Variants in SGCA observed in about 807,000 individuals in gnomAD.
SGCA encodes alpha-sarcoglycan.
A neutral mutation model predicts 38.1 loss-of-function variants in SGCA; 34 were observed. The ratio of observed to expected loss-of-function variants is 0.89; its 90% CI spans 0.68 to 1.19. SGCA has a LOEUF of 1.19. SGCA is among the 50% of genes most tolerant of loss of function. The pLI, the probability that SGCA is intolerant of heterozygous loss-of-function variation, is 0.00. For missense variants in SGCA, 476 were observed against 524.9 expected (o/e 0.91, Z 0.91); for synonymous variants, 209 against 214.6 (o/e 0.97, Z 0.23).
chr17:50,172,028 C>G (rs984067321), intron 8 of SGCA: 2 of 456,164 alleles, frequency 4.4e-6, no homozygotes, highest in Admixed American at 2.3e-5. Flanking sequence ...TTCTGCTTCT[C>G]TCCCTGGGGT....
At position 50,167,312 on chromosome 17, in the gene SGCA, C is replaced by G; in HGVS notation, c.38-56C>G. 1 of 1,611,914 alleles carries G rather than the reference C, an allele frequency of 6.2e-7. No homozygotes were observed. Among genetic ancestry groups the G allele is most frequent in the Non-Finnish European group, 8.5e-7 (1 of 1,179,006 alleles). On this transcript the variant is annotated intron_variant, in intron 1 of 9. Coordinates refer to ENST00000262018, the MANE Select transcript of SGCA (RefSeq NM_000023.4). The surrounding 1 kb of genome is among the most constrained non-coding windows in gnomAD (Gnocchi z 4.5). ...GGACTTGGTGGGGAAGGGAGCTTAT[C>G]CCCTGCCCAGGACTGAGGCTGGCCT...
At position 50,169,124 on chromosome 17, in the gene SGCA, T is replaced by C. The variant is rs1489567405; in HGVS notation, c.617T>C (p.Phe206Ser). 6.2e-7 allele frequency: 1 copy of C among 1,613,996 alleles called. No homozygotes were observed. Among genetic ancestry groups the C allele is most frequent in the Admixed American group, 1.7e-5 (1 of 60,022 alleles). The change falls in exon 6 of 10, where the codon TTT becomes TCT. Residue 206 changes from phenylalanine (F) to serine (S), a missense_variant. Phe to Ser is a radical substitution (Grantham distance 155, BLOSUM62 -2). Coordinates refer to ENST00000262018, the MANE Select transcript of SGCA (RefSeq NM_000023.4). ...ATTAAGGTGGGTTCTGCCTCACCTT[T>C]TTCTACTTGCCTGAAGATGGTGGCA... ...VYIKVGSASP[F>S]STCLKMVASP...
chr17:50,168,320 G>T (rs1598266756), intron 4 of SGCA, 54 bp from the exon 5 acceptor site: 1 of 1,482,594 alleles, frequency 6.7e-7, no homozygotes, highest in Non-Finnish European at 9.2e-7. Context: ...AGGAGGCTTT[G>T]CGGGGCAGAG....
intron 6 of SGCA, 179 bp downstream of exon 6, chr17:50,169,433 A>ACACACACACACC (rs1905195192): frequency 1.7e-6 from 1 of 589,712 alleles, no homozygotes; most frequent in Non-Finnish European, 3.0e-6. Flanking sequence ...ACACACACAC[A>ACACACACACACC]CACACACACA....
In SGCA at chr17:50,169,299, C is replaced by T. The variant is rs750594985; in HGVS notation, c.747+45C>T. ...CCGGGGGTGGGGTGGGGCATGGCCC[C>T]CATCCCAGTCCCCCTTCCCTCCCAT... On this transcript the variant is annotated intron_variant, in intron 6 of 9. Transcript: ENST00000262018. 133 of 1,525,810 alleles carry T rather than the reference C, an allele frequency of 8.7e-5. 1 individual carries two copies. The South Asian group carries it at 1.4e-3, about 16-fold the overall frequency. The allele number at this position is 1,525,810 out of a possible 1,614,324, so 94.5% of individuals were successfully genotyped here.
chr17:50,169,176 C>A lies in SGCA; in HGVS notation c.669C>A (p.Ala223=), dbSNP rs902624706. 1 of 1,614,032 alleles carries A rather than the reference C, an allele frequency of 6.2e-7. No homozygotes were observed. The highest frequency in any genetic ancestry group is 8.5e-7 in the Non-Finnish European group (1 of 1,179,990). The part of the protein sequence containing the change: ...VASPDSHARC[A]QGQPPLLSCY... ...CCCCCGATAGCCACGCCCGCTGTGC[C>A]CAGGGCCAGCCTCCACTTCTGTCTT... Residue 223 remains alanine (A), a synonymous_variant, in exon 6 of 10, where the codon GCC becomes GCA. Coordinates refer to ENST00000262018, the MANE Select transcript of SGCA (RefSeq NM_000023.4).
chr17:50,167,899 C>T lies in SGCA; in HGVS notation c.313-48C>T, dbSNP rs1462135789. The T allele has an allele frequency of 6.3e-7, 1 of 1,587,608 alleles. No homozygotes were observed. Among genetic ancestry groups the T allele is most frequent in the Admixed American group, 1.7e-5 (1 of 60,008 alleles). ...CTCTCCTGCCAGGCCCCCGCTGTGC[C>T]ACGTTTCTCCCCTAACCCACTTCTC... On this transcript the variant is annotated intron_variant, in intron 3 of 9. Coordinates refer to ENST00000262018, the MANE Select transcript of SGCA (RefSeq NM_000023.4). This position sits in a 1 kb window ranked among gnomAD's most constrained non-coding sequence, Gnocchi z 4.5.
At chr17:50,170,803 T>A in intron 8 of SGCA, 137 bp downstream of exon 8, 1 of 774,110 alleles carries the variant, frequency 1.3e-6, no homozygotes, top group South Asian at 1.5e-5. Flanking sequence ...TTGACCTCTG[T>A]AATCCCAGCA....
intron 1 of SGCA, among the ~76,000 whole-genome samples, chr17:50,166,739 T>TCA (rs1737491064): frequency 1.8e-5 from 1 of 55,828 alleles, no homozygotes; most frequent in Non-Finnish European, 3.3e-5. Flanking sequence ...ACACACACCC[T>TCA]CACACACCCT....
In SGCA at chr17:50,167,366, A is replaced by C; in HGVS notation, c.38-2A>C. On this transcript the variant is annotated splice_acceptor_variant, in intron 1 of 9. Transcript: ENST00000262018. LOFTEE classifies it high-confidence loss of function. This position sits in a 1 kb window ranked among gnomAD's most constrained non-coding sequence, Gnocchi z 4.5. ...TGTTTGGGACTTGTGGGGTCCCCAC[A>C]GTTCTCCTGGCAGGGCTGGGGGACA... The C allele has an allele frequency of 6.2e-7, 1 of 1,614,058 alleles. No homozygotes were observed. The highest frequency in any genetic ancestry group is 8.5e-7 in the Non-Finnish European group (1 of 1,179,976).
Position 50,168,397 on chromosome 17 carries a change from G to C in SGCA, c.409G>C (p.Glu137Gln), listed in dbSNP as rs372210292. Residue 137 changes from glutamate to glutamine, a missense_variant, in exon 5 of 10, where the codon GAG becomes CAG. Coordinates refer to ENST00000262018, the MANE Select transcript of SGCA (RefSeq NM_000023.4). ...AGGCCCCCTGCTGCCATACCAAGCC[G>C]AGTTCCTGGTGCGCAGCCACGATGC... ...PEGPLLPYQAEFLVRSHDAEE... is the reference protein window; with the variant it reads ...PEGPLLPYQAQFLVRSHDAEE... 5.7e-6 allele frequency: 9 copies of C among 1,586,682 alleles called. No homozygotes were observed. In the East Asian group the frequency reaches 9.1e-5, roughly 16 times the overall value.
intron 6 of SGCA, 35 bp from the exon 7 acceptor site, chr17:50,170,108 C>T: frequency 6.3e-7 from 1 of 1,591,812 alleles, no homozygotes. Flanking sequence ...GTCCAGCCAG[C>T]CACTTCCTGC....
Position 50,167,349 on chromosome 17 carries a change from A to G in SGCA, c.38-19A>G. The G allele has an allele frequency of 3.1e-6, 5 of 1,613,866 alleles. No homozygotes were observed. The highest frequency in any genetic ancestry group is 4.2e-6 in the Non-Finnish European group (5 of 1,179,944). On this transcript the variant is annotated intron_variant, in intron 1 of 9. Coordinates refer to ENST00000262018, the MANE Select transcript of SGCA (RefSeq NM_000023.4). This position sits in a 1 kb window ranked among gnomAD's most constrained non-coding sequence, Gnocchi z 4.5. ...ACTGAGGCTGGCCTGTGTGTTTGGG[A>G]CTTGTGGGGTCCCCACAGTTCTCCT...
rs766855169 is a variant in SGCA, at chr17:50,175,336, C to T, written c.1063C>T (p.Arg355Trp). ...GATGGCGGCCAGCCGCGAGGTGCCCCGGCCACTCTCCACCCTGCCCATGTT... is the reference window on the plus strand; with the variant it reads ...GATGGCGGCCAGCCGCGAGGTGCCCTGGCCACTCTCCACCCTGCCCATGTT... ...RQMAASREVP[R>W]PLSTLPMFNV... The change falls in exon 9 of 10, where the codon CGG becomes TGG. Residue 355 changes from arginine to tryptophan, a missense_variant. Arg to Trp is a moderately radical substitution (Grantham distance 101). Coordinates refer to ENST00000262018, the MANE Select transcript of SGCA (RefSeq NM_000023.4). 1.0e-4 allele frequency: 167 copies of T among 1,611,046 alleles called. No homozygotes were observed. Among genetic ancestry groups the T allele is most frequent in the Non-Finnish European group, 1.3e-4 (156 of 1,179,374 alleles).
Position 50,170,143 on chromosome 17 carries a change from G to A in SGCA, c.748G>A (p.Val250Met). The stretch of plus-strand genomic sequence containing the variant: ...CGTCAGCCCTGAGCTCTCTGTGCAG[G>A]TGGATAAGTCAGTGCCGGAGCCTGC... ...FRVDWCNVTL[V>M]DKSVPEPADE... The change falls in exon 7 of 10, where the codon GTG (valine) becomes ATG (methionine). Residue 250 changes from valine (V) to methionine (M), a missense_variant and splice_region_variant. Transcript: ENST00000262018. 1 of 1,613,948 alleles carries A rather than the reference G, an allele frequency of 6.2e-7. No individual in the cohort carries two copies. Among genetic ancestry groups the A allele is most frequent in the Non-Finnish European group, 8.5e-7 (1 of 1,179,862 alleles).
In SGCA at chr17:50,175,819, A is replaced by T; in HGVS notation, c.*120A>T. ...CTGGCCCTCCTGGAACCCAGGCTCT[A>T]AACAAGCAGGGAGAGGGGGTGGGGT... On this transcript the variant is annotated 3_prime_UTR_variant, in exon 10 of 10. Transcript: ENST00000262018. 1 of 490,048 alleles carries T rather than the reference A, an allele frequency of 2.0e-6. No individual in the cohort carries two copies. The highest frequency in any genetic ancestry group is 1.5e-5 in the South Asian group (1 of 64,852). The allele number at this position is 490,048 out of a possible 1,614,324, so 30.4% of individuals were successfully genotyped here.
At chr17:50,170,504 G>A (rs1252307684) in intron 7 of SGCA, 136 bp from the exon 8 acceptor site, 2 of 1,319,208 alleles carry the variant, frequency 1.5e-6, no homozygotes, top group Non-Finnish European at 2.1e-6. Flanking sequence ...GCAACTTGGG[G>A]CTTGAGACCT....
chr17:50,166,842 T>C (rs1598262989), intron 1 of SGCA, among the ~76,000 whole-genome samples: 1 of 41,086 alleles, frequency 2.4e-5, no homozygotes, highest in Non-Finnish European at 4.4e-5. Context: ...CCACACACCG[T>C]CACACACACC....
intron 7 of SGCA, 79 bp from the exon 8 acceptor site, chr17:50,170,561 C>T: frequency 4.1e-6 from 6 of 1,466,194 alleles, no homozygotes; most frequent in Non-Finnish European, 5.6e-6. Context: ...GCACACAGAC[C>T]TCCACTCACA....
Sources: gnomAD v4.1 joint callset for allele counts (sites outside exome capture counted in the v4.1 genomes callset) on GRCh38, gnomAD v4.1.1 for gene constraint, Gnocchi (gnomAD v3.1) non-coding constraint, MANE v1.5 for transcripts, NCBI Gene and HGNC (gene_info 2026-07-23, HGNC 2026-07-21) for gene names.